NAGK: variants seen among roughly 807,000 people sequenced by gnomAD.
The protein encoded by NAGK is N-acetylglucosamine kinase, also known as N-acetyl-D-glucosamine kinase.
A neutral mutation model predicts 42.9 loss-of-function variants in NAGK; 35 were observed. The ratio of observed to expected loss-of-function variants is 0.82; its 90% CI spans 0.62 to 1.08. The LOEUF (loss-of-function observed/expected upper bound fraction) is 1.08, where lower values mean the gene tolerates loss of function less well. Among genes scored for constraint, NAGK ranks in the 50% least tolerant of loss-of-function variants. The pLI is 0.00. For missense variants in NAGK, 446 were observed against 446.0 expected, an observed-to-expected ratio of 1.00 and a Z score of 0.00; for synonymous variants, 172 against 176.0, an observed-to-expected ratio of 0.98 and a Z score of 0.18.
intron 2 of NAGK, 68 bp from the exon 3 acceptor site, chr2:71,070,673 A>G: frequency 6.2e-7 from 1 of 1,606,650 alleles, no homozygotes; most frequent in African/African-American, 1.3e-5. Context: ...GGACTCACAG[A>G]GCAGCCTGTG....
intron 1 of NAGK, chr2:71,069,008 A>C: frequency 1.7e-6 from 2 of 1,176,754 alleles, no homozygotes; most frequent in East Asian, 4.3e-5. Context: ...CTGGAGAAGC[A>C]GCTCCTTTTT....
In NAGK at chr2:71,076,624, C is replaced by G. The variant is rs1672221408; in HGVS notation, c.688C>G (p.Leu230Val). The change falls in exon 8 of 10, where the codon CTT becomes GTT. Residue 230 changes from leucine (L) to valine (V), a missense_variant. Transcript: ENST00000244204. ...IAEGAQQGDPLSRYIFRKAGE... is the reference protein window; with the variant it reads ...IAEGAQQGDPVSRYIFRKAGE... ...CCCAGGTGCTCAGCAGGGAGACCCC[C>G]TTTCCCGCTATATCTTCAGGAAGGC... 1 of 1,613,702 alleles carries G rather than the reference C, an allele frequency of 6.2e-7. No homozygotes were observed. The highest frequency in any genetic ancestry group is 8.5e-7 in the Non-Finnish European group (1 of 1,179,734).
At chr2:71,072,241 G>A in intron 4 of NAGK, 1 of 258,544 alleles carries the variant, frequency 3.9e-6, no homozygotes, top group Non-Finnish European at 7.6e-6. Context: ...CCAAAACTCT[G>A]AGTTTCAGTT....
At chr2:71,070,922 C>G (rs1034720055) in intron 3 of NAGK, 83 bp downstream of exon 3, 1 of 1,369,158 alleles carries the variant, frequency 7.3e-7, no homozygotes, top group African/African-American at 1.4e-5. Flanking sequence ...AGTTTGATGA[C>G]TGCAGAGGGA....
In NAGK at chr2:71,073,688, C is replaced by T. The variant is rs569283451; in HGVS notation, c.579+94C>T. 46 of 1,056,570 alleles carry T rather than the reference C, an allele frequency of 4.4e-5. No homozygotes were observed. The East Asian group carries it at 4.7e-4, about 11-fold the overall frequency. 65.4% of individuals were successfully genotyped at this position (1,056,570 alleles called of 1,614,324 possible). On this transcript the variant is annotated intron_variant, in intron 6 of 9. Coordinates refer to ENST00000244204, the MANE Select transcript of NAGK (RefSeq NM_017567.6). ...GATGCAGGGGAGGGCCTGGGCGGAC[C>T]GGCAGGAAATAGGGTGAGTTGTGGG...
chr2:71,072,369 C>T, intron 4 of NAGK: 1 of 443,256 alleles, frequency 2.3e-6, no homozygotes, highest in African/African-American at 2.0e-5. Flanking sequence ...CACTGGAAGA[C>T]CGGCTGGGCA....
chr2:71,072,928 C>A, intron 5 of NAGK, 177 bp downstream of exon 5: 1 of 678,808 alleles, frequency 1.5e-6, no homozygotes, highest in Non-Finnish European at 2.7e-6. Context: ...AAATGCTGGA[C>A]GAGCTGCTGA....
intron 3 of NAGK, chr2:71,071,041 T>C (rs750286816): frequency 1.0e-5 from 6 of 579,898 alleles, no homozygotes; most frequent in Non-Finnish European, 1.9e-5. Flanking sequence ...AGCACAGGGC[T>C]TTGGAGAGCT....
chr2:71,075,645 A>G lies in NAGK; in HGVS notation c.667+3A>G. ...GTTTTGCCGGAAAATTGCAGAAGGT[A>G]CTGGAGGTGGGGGGTGGGTTTTATC... is the stretch of plus-strand genomic sequence containing the variant. On this transcript the variant is annotated splice_donor_region_variant and intron_variant, in intron 7 of 9. Transcript: ENST00000244204. 1 of 1,594,226 alleles carries G rather than the reference A, an allele frequency of 6.3e-7. No individual in the cohort carries two copies. Among genetic ancestry groups the G allele is most frequent in the Non-Finnish European group, 8.6e-7 (1 of 1,162,072 alleles).
chr2:71,072,750 A>G lies in NAGK; in HGVS notation c.465A>G (p.Ser155=). Reference sequence around the variant, plus strand: ...GCCATATGATGGGTGATGAGGGTTCAGGTGAGCTCACTGACTGGCCCAGCT... The same window carrying G: ...GCCATATGATGGGTGATGAGGGTTCGGGTGAGCTCACTGACTGGCCCAGCT... The part of the protein sequence containing the change: ...GWGHMMGDEG[S]AYWIAHQAVK... Residue 155 remains serine, a splice_region_variant and synonymous_variant, in exon 5 of 10, where the codon TCA becomes TCG. Coordinates refer to ENST00000244204, the MANE Select transcript of NAGK (RefSeq NM_017567.6). 2 of 1,612,736 alleles carry G rather than the reference A, an allele frequency of 1.2e-6. No individual in the cohort carries two copies. The highest frequency in any genetic ancestry group is 2.2e-5 in the South Asian group (2 of 90,940).
At chr2:71,072,219 G>T in intron 4 of NAGK, 1 of 266,886 alleles carries the variant, frequency 3.7e-6, no homozygotes, top group Non-Finnish European at 7.3e-6. Context: ...GCTATACCAT[G>T]TTGGCGAAGT....
chr2:71,072,567 G>T (rs1436300392), intron 4 of NAGK, 74 bp from the exon 5 acceptor site: 35 of 1,296,600 alleles, frequency 2.7e-5, no homozygotes, highest in Non-Finnish European at 3.2e-5. Context: ...TTTCTGTCCT[G>T]TCTTTCCACA....
upstream of NAGK, chr2:71,068,375 C>T: frequency 1.0e-6 from 1 of 977,734 alleles, no homozygotes; most frequent in African/African-American, 1.7e-5. Flanking sequence ...GACCTAGATA[C>T]CCCTCTTTGA....
chr2:71,072,578 G>A, intron 4 of NAGK, 63 bp from the exon 5 acceptor site: 1 of 1,387,784 alleles, frequency 7.2e-7, no homozygotes, highest in Admixed American at 1.7e-5. Flanking sequence ...TCTTTCCACA[G>A]TGGCAAGCTG....
chr2:71,071,322 T>C lies in NAGK; in HGVS notation c.214-364T>C, dbSNP rs1671993977. 1.7e-5 allele frequency: 5 copies of C among 301,796 alleles called. No individual in the cohort carries two copies. The South Asian group carries it at 2.6e-4, about 16-fold the overall frequency. The allele number at this position is 301,796 out of a possible 1,614,324, so 18.7% of individuals were successfully genotyped here. A position where few individuals can be genotyped will look rare whatever the true frequency, so the allele number is the denominator to read the frequency against. ...GGTAGCTCCAGCTACTCCCTGGACATATATGTGAGATGTTCTGCAGACACA... is the reference window on the plus strand; with the variant it reads ...GGTAGCTCCAGCTACTCCCTGGACACATATGTGAGATGTTCTGCAGACACA... On this transcript the variant is annotated intron_variant, in intron 3 of 9. Transcript: ENST00000244204.
intron 1 of NAGK, 181 bp downstream of exon 1, chr2:71,068,893 G>T: frequency 1.5e-6 from 2 of 1,325,218 alleles, no homozygotes; most frequent in Non-Finnish European, 1.9e-6. Context: ...TGCCTTACGG[G>T]GACTCTGCCT....
intron 1 of NAGK, chr2:71,070,220 T>C (rs1007170441): frequency 1.5e-5 from 5 of 342,404 alleles, no homozygotes; most frequent in African/African-American, 1.1e-4. Context: ...AACTAATTCG[T>C]TGGGGTGGGC....
At chr2:71,069,086 G>A in intron 1 of NAGK, 1 of 1,029,630 alleles carries the variant, frequency 9.7e-7, no homozygotes, top group Middle Eastern at 4.7e-4. Flanking sequence ...AGCGCGGGCA[G>A]GGTGGGGAGT....
intron 8 of NAGK, 72 bp downstream of exon 8, chr2:71,076,773 T>C: frequency 8.0e-7 from 1 of 1,248,576 alleles, no homozygotes; most frequent in Non-Finnish European, 1.2e-6. Context: ...TGGATGGGAC[T>C]ATCCCATCAA....
Sources: gnomAD v4.1 joint callset for allele counts on GRCh38, gnomAD v4.1.1 for gene constraint, MANE v1.5 for transcripts, NCBI Gene and HGNC (gene_info 2026-07-23, HGNC 2026-07-21) for gene names.